Variants in PGAP6 observed in about 807,000 individuals in gnomAD.
PGAP6 encodes the protein post-GPI attachment to proteins factor 6.
A neutral mutation model predicts 68.4 loss-of-function variants in PGAP6; 62 were observed. The observed-to-expected ratio is 0.91, with a 90% CI of 0.74 to 1.12. The LOEUF (loss-of-function observed/expected upper bound fraction) is 1.12. Ranked by LOEUF, PGAP6 falls within the 50% of genes most tolerant of loss-of-function variation. The probability of loss-of-function intolerance (pLI) is 0.00; values close to 1 mark genes in which losing one functional copy is unlikely to be tolerated. For synonymous variants in PGAP6, 575 were observed against 474.0 expected (o/e 1.21, Z -2.77); for missense variants, 1,188 against 1,068.5 (o/e 1.11, Z -1.56).
intron 1 of PGAP6, 37 bp from the exon 2 acceptor site, chr16:377,885 C>T: frequency 4.6e-6 from 7 of 1,517,734 alleles, no homozygotes; most frequent in Non-Finnish European, 6.2e-6. Flanking sequence ...GGCCGGGACC[C>T]TCCTCCAGGG....
Position 372,218 on chromosome 16 carries a change from G to A in PGAP6, c.2085C>T (p.Leu695=). The change falls in exon 13 of 13, where the codon CTC becomes CTT. Residue 695 remains leucine, a synonymous_variant. Coordinates refer to ENST00000431232, the MANE Select transcript of PGAP6 (RefSeq NM_021259.3). ...CAGAGGCCATAGAGACGCCGGGCAG[G>A]AGGTAGAAGGCCCAGCGCTGCCACG... ...PTSWQRWAFY[L]LPGVSMASVG... The A allele has an allele frequency of 6.2e-7, 1 of 1,612,560 alleles. No individual in the cohort carries two copies.
intron 6 of PGAP6, among the ~76,000 whole-genome samples, 184 bp from the exon 7 acceptor site, chr16:375,619 G>A (rs2054375824): frequency 6.6e-6 from 1 of 150,486 alleles, no homozygotes; most frequent in African/African-American, 2.5e-5. Context: ...TGCAACCTCC[G>A]CCCCTGGGTT....
chr16:382,042 A>T (rs1160337521), upstream of PGAP6: 66 of 566,860 alleles, frequency 1.2e-4, no homozygotes, highest in East Asian at 4.0e-3. Flanking sequence ...GGGGGGCGGG[A>T]CCGGGGGGGG....
chr16:375,017 G>C, intron 8 of PGAP6, 116 bp downstream of exon 8: 2 of 1,574,950 alleles, frequency 1.3e-6, no homozygotes, highest in Non-Finnish European at 1.7e-6. Context: ...AGCAGCCCTG[G>C]AGGAAGCACC....
At chr16:386,852 A>T, upstream of PGAP6, 1 of 696,708 alleles carries the variant, frequency 1.4e-6, no homozygotes, top group Non-Finnish European at 2.6e-6. Flanking sequence ...CAGCGTTGAA[A>T]GGTGTCCACA....
At position 375,214 on chromosome 16, in the gene PGAP6, C is replaced by T. The variant is rs370750603; in HGVS notation, c.1358G>A (p.Arg453His). The T allele has an allele frequency of 1.1e-5, 18 of 1,613,294 alleles. No individual in the cohort carries two copies. Among genetic ancestry groups the T allele is most frequent in the East Asian group, 2.2e-5 (1 of 44,878 alleles). Residue 453 changes from arginine to histidine, a missense_variant, in exon 8 of 13, where the codon CGC becomes CAC. By Grantham distance (29) the Arg-to-His change is conservative. Coordinates refer to ENST00000431232, the MANE Select transcript of PGAP6 (RefSeq NM_021259.3). Reference sequence around the variant, plus strand: ...GTAGGGGATGATGAGGTTGGCCCTGCGAGACCAGGCGCTCAGAGACAAAGG... The same window carrying T: ...GTAGGGGATGATGAGGTTGGCCCTGTGAGACCAGGCGCTCAGAGACAAAGG... Reference protein sequence around the residue: ...GYPLSLSAWSRRANLIIPYPE... With the variant: ...GYPLSLSAWSHRANLIIPYPE...
At chr16:383,787 G>T (rs1567328148), upstream of PGAP6, among the ~76,000 whole-genome samples, 2 of 152,234 alleles carry the variant, frequency 1.3e-5, no homozygotes, top group Non-Finnish European at 2.9e-5. Context: ...TGGGGATGGG[G>T]ATGGCCGCAG....
rs1567323730 is a variant in PGAP6 at position 375,339 on chromosome 16, T to C, written c.1315+6A>G. The C allele has an allele frequency of 6.2e-7, 1 of 1,612,750 alleles. No homozygotes were observed. Among genetic ancestry groups the C allele is most frequent in the African/African-American group, 1.3e-5 (1 of 74,992 alleles). ...CCACGCTGACGGTGACGCCTGCCCA[T>C]CATACCTGTGGTGCAGTTGAGCGAA... On this transcript the variant is annotated splice_donor_region_variant and intron_variant, in intron 7 of 12. Transcript: ENST00000431232.
Position 375,418 on chromosome 16 carries a change from C to T in PGAP6, c.1242G>A (p.Glu414=). 6.2e-7 allele frequency: 1 copy of T among 1,612,532 alleles called. No individual in the cohort carries two copies. The highest frequency in any genetic ancestry group is 1.1e-5 in the South Asian group (1 of 91,056). ...LRANKTEMRN[E]TVVVACVNAA... ...CATTCACGCAGGCCACTACGACGGT[C>T]TCGTTCCGCATCTCTGTCTGGAAAG... Residue 414 remains glutamate, a synonymous_variant, in exon 7 of 13, where the codon GAG becomes GAA. Transcript: ENST00000431232.
intron 1 of PGAP6, among the ~76,000 whole-genome samples, chr16:378,574 G>A (rs1482030447): frequency 6.7e-6 from 1 of 149,974 alleles, no homozygotes; most frequent in Non-Finnish European, 1.5e-5. Context: ...AACCCAGGTC[G>A]AAGCCGAAGG....
rs765581694 is a variant in PGAP6 at position 377,518 on chromosome 16, C to G, written c.367G>C (p.Val123Leu). The change falls in exon 3 of 13, where the codon GTA becomes CTA. Residue 123 changes from valine (V) to leucine (L), a missense_variant. Coordinates refer to ENST00000431232, the MANE Select transcript of PGAP6 (RefSeq NM_021259.3). ...ACCCCGACCTGGAAGGAGGGCTGTA[C>G]CGCGGTGTCGTCCGGGAAGCTGGTG... is the stretch of plus-strand genomic sequence containing the variant. Reference protein sequence around the residue: ...LGTSFPDDTAVQPSFQVGVPL... With the variant: ...LGTSFPDDTALQPSFQVGVPL... The G allele has an allele frequency of 6.3e-7, 1 of 1,597,028 alleles. No homozygotes were observed. Among genetic ancestry groups the G allele is most frequent in the Admixed American group, 1.7e-5 (1 of 57,552 alleles).
rs1448500930 is a variant in PGAP6, at chr16:376,747, C to T, written c.701G>A (p.Ser234Asn). Residue 234 changes from serine to asparagine, a missense_variant, in exon 5 of 13, where the codon AGC becomes AAC. By Grantham distance (46) the Ser-to-Asn change is conservative. Coordinates refer to ENST00000431232, the MANE Select transcript of PGAP6 (RefSeq NM_021259.3). The part of the protein sequence containing the change: ...LELRDCVSNG[S>N]LGCPVRLTVG... ...GGTGAGACGCACGGGGCAGCCCAGG[C>T]TCCCATTGGACACGCAGTCCCGCAG... is the stretch of plus-strand genomic sequence containing the variant. The T allele has an allele frequency of 6.2e-7, 1 of 1,611,454 alleles. No homozygotes were observed. The highest frequency in any genetic ancestry group is 8.5e-7 in the Non-Finnish European group (1 of 1,179,902).
At chr16:374,630 C>T (rs1310636569) in intron 9 of PGAP6, 126 bp downstream of exon 9, 2 of 1,349,758 alleles carry the variant, frequency 1.5e-6, no homozygotes, top group Non-Finnish European at 1.0e-6. Context: ...GGAGGCTTTG[C>T]CCCTGCATTG....
At chr16:385,510 ACC>A, upstream of PGAP6, among the ~76,000 whole-genome samples, 1 of 143,312 alleles carries the variant, frequency 7.0e-6, no homozygotes, top group East Asian at 2.1e-4. Context: ...ATGGGATTTC[ACC>A]CTGTTAGCCA....
In PGAP6 at chr16:377,303, C is replaced by T. The variant is rs143437344; in HGVS notation, c.507+75G>A. 4,744 of 1,562,204 alleles carry T rather than the reference C, an allele frequency of 3.0e-3. 28 individuals are homozygous for T. Among genetic ancestry groups the T allele is most frequent in the Middle Eastern group, 5.5e-3 (28 of 5,098 alleles). ...GTGGAGCCTAGAGCGAGGACCACCC[C>T]AAAGAGGTGAACGGCAGGGACAGGC... is the stretch of plus-strand genomic sequence containing the variant. On this transcript the variant is annotated intron_variant, in intron 3 of 12. Transcript: ENST00000431232.
At chr16:385,487 G>C (rs1225448026), upstream of PGAP6, among the ~76,000 whole-genome samples, 3 of 142,680 alleles carry the variant, frequency 2.1e-5, no homozygotes, top group Admixed American at 7.1e-5. Flanking sequence ...AATTTTTTTT[G>C]TTTTTAGTAG....
At chr16:374,733 G>A (rs1052706410) in intron 9 of PGAP6, 23 bp downstream of exon 9, 1 of 1,611,570 alleles carries the variant, frequency 6.2e-7, no homozygotes, top group East Asian at 2.2e-5. Flanking sequence ...GCGTCTCGGG[G>A]CGGGCGGGGC....
chr16:386,132 A>C (rs1465174252), upstream of PGAP6, among the ~76,000 whole-genome samples: 3 of 151,642 alleles, frequency 2.0e-5, no homozygotes, highest in Non-Finnish European at 4.4e-5. Flanking sequence ...GCCGGAGGGG[A>C]GGGTTGCTGG....
At chr16:383,921 G>T (rs759987160), upstream of PGAP6, among the ~76,000 whole-genome samples, 1 of 152,240 alleles carries the variant, frequency 6.6e-6, no homozygotes, top group Non-Finnish European at 1.5e-5. Flanking sequence ...GGTGGAGGGT[G>T]TTGGCCGGGG....
Sources: allele counts gnomAD v4.1 joint callset (sites outside exome capture counted in the v4.1 genomes callset), GRCh38; gene constraint gnomAD v4.1.1; transcripts MANE v1.5; gene names NCBI Gene and HGNC (gene_info 2026-07-23, HGNC 2026-07-21).